DACH2: variants seen among roughly 807,000 people sequenced by gnomAD.
The protein encoded by DACH2 is dachshund homolog 2.
Under a neutral mutation model 35.8 loss-of-function variants are expected in DACH2, and 17 were observed. The ratio of observed to expected loss-of-function variants is 0.48; its 90% CI spans 0.33 to 0.71. The LOEUF is 0.71. Ranked by LOEUF, DACH2 falls within the 30% of genes least tolerant of loss-of-function variation. The probability of loss-of-function intolerance (pLI) is 0.02; values close to 1 mark genes in which losing one functional copy is unlikely to be tolerated. For synonymous variants in DACH2, 195 were observed against 177.3 expected (o/e 1.10, Z -0.79); for missense variants, 469 against 472.7 (o/e 0.99, Z 0.07).
intron 4 of DACH2, among the ~76,000 whole-genome samples, chrX:86,688,006 C>T (rs774161927): frequency 3.6e-5 from 4 of 109,941 alleles, no homozygotes; most frequent in Non-Finnish European, 7.6e-5. Context: ...CAAAGCTGCA[C>T]GTTCTGCACA....
At chrX:86,724,034 C>A (rs1569474084) in intron 6 of DACH2, among the ~76,000 whole-genome samples, 1 of 111,308 alleles carries the variant, frequency 9.0e-6, no homozygotes, top group Non-Finnish European at 1.9e-5. Flanking sequence ...TTGTTACCAG[C>A]ATAAAGTTGG....
chrX:86,539,993 T>G (rs2038858764), intron 3 of DACH2, among the ~76,000 whole-genome samples: 1 of 111,431 alleles, frequency 9.0e-6, no homozygotes, highest in Middle Eastern at 4.2e-3. Context: ...TGTGAATAAT[T>G]AATTAAAAGT....
At chrX:86,711,872 T>C (rs868388614) in intron 5 of DACH2, among the ~76,000 whole-genome samples, 19 of 112,362 alleles carry the variant, frequency 1.7e-4, no homozygotes, top group African/African-American at 6.1e-4. Flanking sequence ...AAATTCTTTT[T>C]GTAGTTTGCA....
chrX:86,778,004 G>T (rs2042053181), intron 7 of DACH2, among the ~76,000 whole-genome samples: 1 of 111,615 alleles, frequency 9.0e-6, no homozygotes, highest in Non-Finnish European at 1.9e-5. Context: ...TAAGCATGGT[G>T]TACAAAGACA....
chrX:86,356,239 C>A (rs191876793), intron 1 of DACH2, among the ~76,000 whole-genome samples: 377 of 111,752 alleles, frequency 3.4e-3, no homozygotes, highest in Non-Finnish European at 5.6e-3. Flanking sequence ...CAATTTCAAT[C>A]TTCTGCATAT....
chrX:86,263,675 T>C (rs1440747869), intron 1 of DACH2, among the ~76,000 whole-genome samples: 10 of 111,812 alleles, frequency 8.9e-5, no homozygotes, highest in African/African-American at 3.2e-4. Flanking sequence ...TGAATAAGAA[T>C]GTTTAGCTTC....
At chrX:86,195,150 C>T (rs1283636664) in intron 1 of DACH2, among the ~76,000 whole-genome samples, 1 of 112,517 alleles carries the variant, frequency 8.9e-6, no homozygotes. Flanking sequence ...GTTTTGGTTT[C>T]CTTGCCTGCC....
intron 1 of DACH2, among the ~76,000 whole-genome samples, chrX:86,180,445 T>C (rs1455775861): frequency 2.8e-5 from 3 of 108,443 alleles, no homozygotes; most frequent in Non-Finnish European, 5.7e-5. Context: ...ATGCAAACCA[T>C]CTCCCGAGGC....
intron 2 of DACH2, among the ~76,000 whole-genome samples, chrX:86,480,821 T>C (rs1312309989): frequency 1.8e-5 from 2 of 112,367 alleles, no homozygotes; most frequent in Non-Finnish European, 1.9e-5. Context: ...TACTATCATA[T>C]GGCAGTAGAA....
At chrX:86,304,832 T>C (rs1459159172) in intron 1 of DACH2, 1 of 146,422 alleles carries the variant, frequency 6.8e-6, no homozygotes, top group Non-Finnish European at 1.5e-5. Flanking sequence ...AGAAGACCAA[T>C]GGTAGCAGCA....
chrX:86,532,406 T>C (rs1471620709), intron 3 of DACH2, among the ~76,000 whole-genome samples: 1 of 111,164 alleles, frequency 9.0e-6, no homozygotes, highest in African/African-American at 3.3e-5. Flanking sequence ...GATTGGATCA[T>C]GGGTACACAT....
At chrX:86,434,942 G>T (rs1420907995) in intron 2 of DACH2, among the ~76,000 whole-genome samples, 1 of 110,294 alleles carries the variant, frequency 9.1e-6, no homozygotes, top group Non-Finnish European at 1.9e-5. Context: ...GGGGTTGGGA[G>T]GGGGAAGTGC....
At chrX:86,459,953 A>C (rs1476199596) in intron 2 of DACH2, among the ~76,000 whole-genome samples, 1 of 111,228 alleles carries the variant, frequency 9.0e-6, no homozygotes, top group East Asian at 2.8e-4. Flanking sequence ...GTGTTTCCAC[A>C]ACTAAATTGC....
chrX:86,474,298 TCTC>T (rs941396280), intron 2 of DACH2, among the ~76,000 whole-genome samples: 5 of 112,010 alleles, frequency 4.5e-5, no homozygotes, highest in African/African-American at 1.6e-4. Context: ...GCAAATATTT[TCTC>T]CTATTTTGTG....
intron 3 of DACH2, among the ~76,000 whole-genome samples, chrX:86,527,515 A>G (rs762253032): frequency 8.9e-6 from 1 of 112,658 alleles, no homozygotes; most frequent in South Asian, 3.6e-4. Context: ...ATTGTTGTGT[A>G]TAACAATAGT....
intron 4 of DACH2, among the ~76,000 whole-genome samples, chrX:86,660,270 T>G (rs529321200): frequency 9.1e-6 from 1 of 110,329 alleles, no homozygotes; most frequent in Admixed American, 9.8e-5. Flanking sequence ...TTCCCCTCTA[T>G]CTCCCAGGCT....
chrX:86,477,369 T>A (rs984361882), intron 2 of DACH2, among the ~76,000 whole-genome samples: 5 of 93,328 alleles, frequency 5.4e-5, no homozygotes, highest in African/African-American at 1.5e-4. Flanking sequence ...TATATATATA[T>A]AATTGTTATA....
At chrX:86,714,819 C>A in intron 6 of DACH2, 99 bp downstream of exon 6, 2 of 767,319 alleles carry the variant, frequency 2.6e-6, no homozygotes, top group South Asian at 3.7e-5. Context: ...TAACTCAGCT[C>A]ATTGACTCAG....
intron 1 of DACH2, among the ~76,000 whole-genome samples, chrX:86,306,669 T>A (rs887243535): frequency 8.9e-6 from 1 of 111,957 alleles, no homozygotes; most frequent in African/African-American, 3.2e-5. Flanking sequence ...CTTTCAAACA[T>A]TGGACTCCAA....
Sources: gnomAD v4.1 joint callset for allele counts (sites outside exome capture counted in the v4.1 genomes callset) on GRCh38, gnomAD v4.1.1 for gene constraint, MANE v1.5 for transcripts, NCBI Gene and HGNC (gene_info 2026-07-23, HGNC 2026-07-21) for gene names.